The following LAMC3 variants were observed in gnomAD, a reference collection of about 807,000 sequenced individuals.
LAMC3 encodes laminin subunit gamma-3.
Under a neutral mutation model 173.8 loss-of-function variants are expected in LAMC3, and 128 were observed. The observed-to-expected ratio is 0.74, with a 90% CI of 0.64 to 0.85. The LOEUF (loss-of-function observed/expected upper bound fraction) is 0.85. LAMC3 is among the 40% of genes least tolerant of loss of function. The pLI is 0.00. For missense variants in LAMC3, 2,022 were observed against 2,156.0 expected (o/e 0.94, Z 1.23); for synonymous variants, 897 against 909.1 (o/e 0.99, Z 0.24).
chr9:131,032,437 T>TCCTTCCTC (rs1554783998), intron 3 of LAMC3, among the ~76,000 whole-genome samples: 3 of 150,878 alleles, frequency 2.0e-5, no homozygotes, highest in African/African-American at 7.3e-5. Flanking sequence ...GTTCCTTCCT[T>TCCTTCCTC]CCTCCCTCCC....
At chr9:131,042,165 C>A (rs1167471719) in intron 7 of LAMC3, among the ~76,000 whole-genome samples, 1 of 151,864 alleles carries the variant, frequency 6.6e-6, no homozygotes, top group Non-Finnish European at 1.5e-5. Context: ...CTATCACAGG[C>A]CTCCCGTTTC....
chr9:131,046,570 C>T (rs1834166508), intron 8 of LAMC3, among the ~76,000 whole-genome samples: 1 of 105,796 alleles, frequency 9.5e-6, no homozygotes, highest in South Asian at 3.3e-4. Context: ...TACCATGTTG[C>T]CCAGGCTGGT....
At chr9:131,060,191 C>G (rs1829781001) in intron 12 of LAMC3, among the ~76,000 whole-genome samples, 1 of 152,154 alleles carries the variant, frequency 6.6e-6, no homozygotes, top group Non-Finnish European at 1.5e-5. Flanking sequence ...TAAAGGGGAG[C>G]CTCTTTGCAA....
chr9:131,044,052 G>A (rs1053155701), intron 7 of LAMC3, among the ~76,000 whole-genome samples: 2 of 149,736 alleles, frequency 1.3e-5, no homozygotes, highest in Admixed American at 6.7e-5. Context: ...TCTGTCTCCC[G>A]GGTTCAAGCG....
chr9:131,041,798 C>T (rs1449254209), intron 7 of LAMC3, 63 bp downstream of exon 7: 2 of 1,451,166 alleles, frequency 1.4e-6, no homozygotes, highest in South Asian at 2.3e-5. Context: ...TGATGAGGCA[C>T]CAAAGCTGTG....
At chr9:131,025,376 G>A (rs138811345) in intron 1 of LAMC3, among the ~76,000 whole-genome samples, 79 of 152,266 alleles carry the variant, frequency 5.2e-4, no homozygotes, top group Non-Finnish European at 1.0e-3. Context: ...TCATTGTGAC[G>A]GAGCCAGGTC....
chr9:131,026,417 A>G lies in LAMC3; in HGVS notation c.506A>G (p.Lys169Arg), dbSNP rs376296082. Residue 169 changes from lysine to arginine, a missense_variant, in exon 2 of 28, where the codon AAG (lysine) becomes AGG (arginine). Coordinates refer to ENST00000361069, the MANE Select transcript of LAMC3 (RefSeq NM_006059.4). The surrounding 1 kb of genome is among the most constrained non-coding windows in gnomAD (Gnocchi z 4.8). ...CAGTTCTACAGCGCCTCCTGCCAGA[A>G]GACCTACGGCCGGCCCGAGGGCCAG... ...PYQFYSASCQ[K>R]TYGRPEGQYL... 1.8e-5 allele frequency: 29 copies of G among 1,614,028 alleles called. No homozygotes were observed. The African/African-American group carries it at 3.7e-4, about 21-fold the overall frequency.
In LAMC3 at chr9:131,091,908, C is replaced by G; in HGVS notation, c.*121C>G. 1 of 1,235,330 alleles carries G rather than the reference C, an allele frequency of 8.1e-7. No individual in the cohort carries two copies. The highest frequency in any genetic ancestry group is 1.1e-6 in the Non-Finnish European group (1 of 887,728). The allele number at this position is 1,235,330 out of a possible 1,614,324, so 76.5% of individuals were successfully genotyped here. On this transcript the variant is annotated 3_prime_UTR_variant, in exon 28 of 28. Coordinates refer to ENST00000361069, the MANE Select transcript of LAMC3 (RefSeq NM_006059.4). ...CCCGGAGCCGGCTGCTGTGAACTCG[C>G]CCCCGTGTGGATAGTCACTCCCTGC...
At position 131,081,727 on chromosome 9, in the gene LAMC3, G is replaced by A. The variant is rs143473896; in HGVS notation, c.3928-332G>A. On this transcript the variant is annotated intron_variant, in intron 23 of 27. Transcript: ENST00000361069. ...TGACCTCAAGTGATCTGCCCACCTC[G>A]GCCTTCCAAAGTGTTGGGATTACAG... Among the ~76,000 whole-genome samples, 823 of 152,200 alleles carry A rather than the reference G, an allele frequency of 5.4e-3. 14 individuals carry two copies. The East Asian group carries it at 0.079, about 15-fold the overall frequency.
intron 3 of LAMC3, among the ~76,000 whole-genome samples, chr9:131,032,732 A>G (rs924037888): frequency 5.3e-5 from 8 of 152,172 alleles, no homozygotes; most frequent in Admixed American, 3.9e-4. Context: ...GCAGTGGTGC[A>G]ATCTCAGCTC....
At chr9:131,016,946 A>T (rs551369365) in intron 1 of LAMC3, among the ~76,000 whole-genome samples, 48 of 148,440 alleles carry the variant, frequency 3.2e-4, no homozygotes, top group Non-Finnish European at 4.4e-4. Flanking sequence ...TTTTTTTTTT[A>T]AAAAGCACCC....
intron 23 of LAMC3, among the ~76,000 whole-genome samples, chr9:131,080,800 C>A (rs532664664): frequency 4.6e-5 from 7 of 152,168 alleles, no homozygotes; most frequent in African/African-American, 1.7e-4. Context: ...TGTACAGATG[C>A]CTCACCCCAC....
At chr9:131,030,514 CAGAT>C (rs1305638063) in intron 2 of LAMC3, among the ~76,000 whole-genome samples, 2 of 152,206 alleles carry the variant, frequency 1.3e-5, no homozygotes, top group East Asian at 3.8e-4. Context: ...ACCCTGGGAT[CAGAT>C]AGACCAGAAT....
chr9:131,069,238 G>T (rs1354960579), intron 16 of LAMC3, among the ~76,000 whole-genome samples, 188 bp downstream of exon 16: 1 of 152,240 alleles, frequency 6.6e-6, no homozygotes, highest in East Asian at 1.9e-4. Context: ...AGAGTCACAT[G>T]ACCCAGAGCA....
intron 6 of LAMC3, among the ~76,000 whole-genome samples, chr9:131,040,467 G>C (rs2050465): frequency 0.4 from 60,857 of 151,864 alleles, 12,572 homozygotes; most frequent in Non-Finnish European, 0.47. Flanking sequence ...GTGAGTCACC[G>C]CGCCTGGCCC....
At position 131,039,065 on chromosome 9, in the gene LAMC3, C is replaced by T. The variant is rs373334969; in HGVS notation, c.1165+13C>T. The T allele has an allele frequency of 4.3e-6, 7 of 1,612,830 alleles. No individual in the cohort carries two copies. In the African/African-American group the frequency reaches 8.0e-5, roughly 18 times the overall value. On this transcript the variant is annotated intron_variant, in intron 5 of 27. Coordinates refer to ENST00000361069, the MANE Select transcript of LAMC3 (RefSeq NM_006059.4). ...TGCCAGTCGGCAGGTGAGTGGACTC[C>T]ACATCCCCAGCCTCCGACCCTCTCC...
intron 18 of LAMC3, 127 bp downstream of exon 18, chr9:131,071,752 C>A: frequency 1.1e-6 from 1 of 880,478 alleles, no homozygotes; most frequent in Non-Finnish European, 1.7e-6. Flanking sequence ...CTTTACTTCC[C>A]TAGCCCACCT....
intron 15 of LAMC3, among the ~76,000 whole-genome samples, 188 bp from the exon 16 acceptor site, chr9:131,068,720 C>T (rs1829987137): frequency 6.6e-6 from 1 of 152,138 alleles, no homozygotes; most frequent in South Asian, 2.1e-4. Flanking sequence ...CTTCTTTTCT[C>T]CCTGAGCATC....
chr9:131,041,858 T>C, intron 7 of LAMC3, 123 bp downstream of exon 7: 1 of 798,468 alleles, frequency 1.3e-6, no homozygotes, highest in South Asian at 1.5e-5. Context: ...TGGGTGACCT[T>C]GTCACCCTGT....
Sources: gnomAD v4.1 joint callset for allele counts (sites outside exome capture counted in the v4.1 genomes callset) on GRCh38, gnomAD v4.1.1 for gene constraint, Gnocchi (gnomAD v3.1) non-coding constraint, MANE v1.5 for transcripts, NCBI Gene and HGNC (gene_info 2026-07-23, HGNC 2026-07-21) for gene names.